The following AHCYL1 variants were observed in gnomAD, a reference collection of about 807,000 sequenced individuals.
AHCYL1 encodes the protein S-adenosylhomocysteine hydrolase-like protein 1.
A neutral mutation model predicts 79.3 loss-of-function variants in AHCYL1; 20 were observed. That is an observed-to-expected ratio of 0.25 (90% CI 0.18 to 0.37). AHCYL1 has a LOEUF of 0.37. AHCYL1 is among the 10% of genes least tolerant of loss of function. AHCYL1 has a pLI of 1.00. For synonymous variants in AHCYL1, 223 were observed against 242.2 expected, an observed-to-expected ratio of 0.92 and a Z score of 0.74; for missense variants, 330 against 673.6, an observed-to-expected ratio of 0.49 and a Z score of 5.65.
chr1:110,020,880 T>C, intron 16 of AHCYL1, 29 bp downstream of exon 16: 1 of 1,604,570 alleles, frequency 6.2e-7, no homozygotes, highest in Non-Finnish European at 8.5e-7. Context: ...AGTGAAAAGC[T>C]CTTTTTCCCA....
chr1:109,991,812 C>T (rs949977065), intron 1 of AHCYL1, among the ~76,000 whole-genome samples: 3 of 152,190 alleles, frequency 2.0e-5, no homozygotes, highest in African/African-American at 7.2e-5. Context: ...AACCATCTTT[C>T]ATTCACTTAG....
chr1:110,004,130 T>G, intron 1 of AHCYL1: 1 of 985,488 alleles, frequency 1.0e-6, no homozygotes, highest in Non-Finnish European at 1.2e-6. Flanking sequence ...AAAGGAGTAT[T>G]GCTTCTGACT....
chr1:109,986,355 C>T (rs1470348166), intron 1 of AHCYL1, among the ~76,000 whole-genome samples: 1 of 151,326 alleles, frequency 6.6e-6, no homozygotes, highest in African/African-American at 2.4e-5. Flanking sequence ...ATTAACCTGC[C>T]ACTCCAGAAA....
chr1:110,009,868 C>G (rs1453558225), intron 2 of AHCYL1, among the ~76,000 whole-genome samples: 1 of 152,196 alleles, frequency 6.6e-6, no homozygotes, highest in Non-Finnish European at 1.5e-5. Context: ...AATGGGGCAT[C>G]CAATACAACC....
Position 109,985,032 on chromosome 1 carries a change from G to A in AHCYL1, c.-21G>A, listed in dbSNP as rs1263297350. 3 of 1,535,776 alleles carry A rather than the reference G, an allele frequency of 2.0e-6. No individual in the cohort carries two copies. Among genetic ancestry groups the A allele is most frequent in the Admixed American group, 2.0e-5 (1 of 49,952 alleles). On this transcript the variant is annotated 5_prime_UTR_variant, in exon 1 of 17. Transcript: ENST00000369799. ...AAGAGGCGGGGGCGGCGGGTCAGCC[G>A]CTGGCCGGGCCGGCCGGGGAATGTC...
chr1:109,997,391 G>C (rs143286418), intron 1 of AHCYL1, among the ~76,000 whole-genome samples: 1 of 152,162 alleles, frequency 6.6e-6, no homozygotes, highest in Non-Finnish European at 1.5e-5. Context: ...AAGGAGGGCA[G>C]AACTCAGACA....
intron 1 of AHCYL1, among the ~76,000 whole-genome samples, chr1:109,986,745 G>A (rs1304065316): frequency 1.3e-5 from 2 of 152,156 alleles, no homozygotes; most frequent in African/African-American, 2.4e-5. Flanking sequence ...AGTCTATATC[G>A]TAGATTGTAA....
chr1:110,016,783 T>C, intron 9 of AHCYL1, 53 bp downstream of exon 9: 5 of 1,607,522 alleles, frequency 3.1e-6, no homozygotes, highest in Non-Finnish European at 4.3e-6. Context: ...ATTAGAAATA[T>C]TGGGTAAAGG....
intron 16 of AHCYL1, 47 bp from the exon 17 acceptor site, chr1:110,021,627 T>TCATATGGAAGA: frequency 6.2e-7 from 1 of 1,601,060 alleles, no homozygotes; most frequent in Middle Eastern, 1.7e-4. Context: ...TTTGGAATTC[T>TCATATGGAAGA]CATATGGAAG....
At chr1:110,010,517 A>G (rs530050942) in intron 2 of AHCYL1, among the ~76,000 whole-genome samples, 1 of 152,346 alleles carries the variant, frequency 6.6e-6, no homozygotes, top group African/African-American at 2.4e-5. Context: ...ATTTTGACAG[A>G]CTTTCCCAGG....
Position 110,000,471 on chromosome 1 carries a change from C to T in AHCYL1, c.121-8563C>T, listed in dbSNP as rs940692559. ...TCTATGGAGCAGTACTTTTCAATGG[C>T]AATTTGTTGGCAACGTAAAAACATT... On this transcript the variant is annotated intron_variant, in intron 1 of 16. Transcript: ENST00000369799. 2.0e-5 allele frequency among the ~76,000 whole-genome samples: 3 copies of T among 152,300 alleles called. No individual in the cohort carries two copies. In the East Asian group the frequency reaches 5.8e-4, roughly 29 times the overall value.
chr1:110,023,282 C>G lies in AHCYL1; in HGVS notation c.*1602C>G, dbSNP rs1382420730. 6.6e-6 allele frequency: 1 copy of G among 152,582 alleles called. No individual in the cohort carries two copies. Among genetic ancestry groups the G allele is most frequent in the Non-Finnish European group, 1.5e-5 (1 of 68,026 alleles). 9.5% of individuals were successfully genotyped at this position (152,582 alleles called of 1,614,324 possible). ...TCTTGCCAAAACTTTTTTCCCTTTT[C>G]TCTCCCATTTTCTTTTACCCAATCC... On this transcript the variant is annotated 3_prime_UTR_variant, in exon 17 of 17. Transcript: ENST00000369799.
intron 4 of AHCYL1, 137 bp from the exon 5 acceptor site, chr1:110,012,760 A>C: frequency 6.5e-6 from 4 of 612,078 alleles, no homozygotes; most frequent in Non-Finnish European, 1.1e-5. Flanking sequence ...ACCTCGCTGG[A>C]GTACACCCTT....
intron 9 of AHCYL1, 83 bp from the exon 10 acceptor site, chr1:110,017,412 T>G: frequency 1.5e-6 from 2 of 1,310,268 alleles, no homozygotes; most frequent in Non-Finnish European, 2.2e-6. Flanking sequence ...TGAAGGTTAA[T>G]TCCTGTCTCA....
In AHCYL1 at chr1:109,986,542, A is replaced by C. The variant is rs78946481; in HGVS notation, c.120+1370A>C. ...TTTGTTGGGACAATGACCCTTTGCA[A>C]TCTGCACTATTCTTTGGAGAAACAG... On this transcript the variant is annotated intron_variant, in intron 1 of 16. Coordinates refer to ENST00000369799, the MANE Select transcript of AHCYL1 (RefSeq NM_006621.7). Among the ~76,000 whole-genome samples, 235 of 152,334 alleles carry C rather than the reference A, an allele frequency of 1.5e-3. 2 individuals are homozygous for C. Among genetic ancestry groups the C allele is most frequent in the African/African-American group, 5.6e-3 (231 of 41,580 alleles).
intron 15 of AHCYL1, among the ~76,000 whole-genome samples, chr1:110,020,023 T>C (rs1459595578): frequency 1.3e-5 from 2 of 152,138 alleles, no homozygotes; most frequent in African/African-American, 4.8e-5. Flanking sequence ...AACCATCCAA[T>C]CTCTTGTAAG....
chr1:110,018,573 C>A lies in AHCYL1; in HGVS notation c.1240C>A (p.Leu414Met). The change falls in exon 13 of 17, where the codon CTG becomes ATG. Residue 414 changes from leucine (L) to methionine (M), a missense_variant. By Grantham distance (15) the Leu-to-Met change is conservative. This residue lies in a region of AHCYL1 where 119 missense variants were observed against 293.3 expected (regional missense o/e 0.41). Coordinates refer to ENST00000369799, the MANE Select transcript of AHCYL1 (RefSeq NM_006621.7). ...TCAGACCAGCCTCCGCACTCCGGAG[C>A]TGACGTGGGAGCGAGTACGTTCTCA... ...IDVTSLRTPE[L>M]TWERVRSQVD... 6.2e-7 allele frequency: 1 copy of A among 1,614,106 alleles called. No homozygotes were observed. Among genetic ancestry groups the A allele is most frequent in the African/African-American group, 1.3e-5 (1 of 75,006 alleles).
At chr1:109,997,390 A>G (rs1052772463) in intron 1 of AHCYL1, among the ~76,000 whole-genome samples, 3 of 152,240 alleles carry the variant, frequency 2.0e-5, no homozygotes, top group African/African-American at 7.2e-5. Context: ...AAAGGAGGGC[A>G]GAACTCAGAC....
chr1:110,017,734 C>A (rs1651513832), intron 10 of AHCYL1, 151 bp downstream of exon 10: 1 of 1,013,138 alleles, frequency 9.9e-7, no homozygotes. Flanking sequence ...AACCCTAGGG[C>A]TCTCTGAGAG....
Sources: gnomAD v4.1 joint callset for allele counts (sites outside exome capture counted in the v4.1 genomes callset) on GRCh38, gnomAD v4.1.1 for gene constraint, gnomAD v4.1.1 regional missense constraint, MANE v1.5 for transcripts, NCBI Gene and HGNC (gene_info 2026-07-23, HGNC 2026-07-21) for gene names.